Variants in DAB2IP observed in about 807,000 individuals in gnomAD.
The protein encoded by DAB2IP is disabled homolog 2-interacting protein.
A neutral mutation model predicts 107.2 loss-of-function variants in DAB2IP; 28 were observed. The ratio of observed to expected loss-of-function variants is 0.26; its 90% CI spans 0.19 to 0.36. The LOEUF (loss-of-function observed/expected upper bound fraction) is 0.36, where lower values mean the gene tolerates loss of function less well. Among genes scored for constraint, DAB2IP ranks in the 10% least tolerant of loss-of-function variants. The pLI is 1.00. For synonymous variants in DAB2IP, 755 were observed against 706.4 expected (o/e 1.07, Z -1.09); for missense variants, 1,400 against 1,644.7 (o/e 0.85, Z 2.57).
chr9:121,772,476 A>G lies in DAB2IP; in HGVS notation c.2079-131A>G. The G allele has an allele frequency of 4.1e-6, 4 of 972,864 alleles. No homozygotes were observed. In the South Asian group the frequency reaches 6.4e-5, roughly 15 times the overall value. 60.3% of individuals were successfully genotyped at this position (972,864 alleles called of 1,614,324 possible). ...CCACTCCTGCCACCCCAGCGCATCC[A>G]TCTCCCCAGCGCTGGCTCAGGCTGC... is the stretch of plus-strand genomic sequence containing the variant. On this transcript the variant is annotated intron_variant, in intron 11 of 15. Coordinates refer to ENST00000408936, the Ensembl canonical transcript of DAB2IP. The surrounding 1 kb of genome is among the most constrained non-coding windows in gnomAD (Gnocchi z 4.7).
At chr9:121,741,501 C>T (rs1018097027) in intron 3 of DAB2IP, among the ~76,000 whole-genome samples, 1 of 152,124 alleles carries the variant, frequency 6.6e-6, no homozygotes, top group Non-Finnish European at 1.5e-5. Flanking sequence ...CTTGCTTAGT[C>T]TGGGCTTGGG....
At chr9:121,700,241 G>A (rs982387975) in intron 3 of DAB2IP, among the ~76,000 whole-genome samples, 11 of 152,218 alleles carry the variant, frequency 7.2e-5, no homozygotes, top group African/African-American at 2.7e-4. Context: ...GAGGGAGGAG[G>A]AGGTGGTTCA....
exon 8 of DAB2IP, chr9:121,763,847 G>A (rs761118729): frequency 6.2e-7 from 1 of 1,614,036 alleles, no homozygotes; most frequent in Non-Finnish European, 8.5e-7. Flanking sequence ...TGTGCTGCGA[G>A]CTGGCCTTCT....
chr9:121,600,193 A>G (rs544217333), intron 1 of DAB2IP, among the ~76,000 whole-genome samples: 1 of 152,198 alleles, frequency 6.6e-6, no homozygotes, highest in South Asian at 2.1e-4. Context: ...CACCCTGGGA[A>G]TTGGTGATAG....
At chr9:121,716,854 ACT>A (rs1317579151) in intron 3 of DAB2IP, among the ~76,000 whole-genome samples, 8 of 151,852 alleles carry the variant, frequency 5.3e-5, no homozygotes, top group African/African-American at 1.9e-4. Context: ...CCCTGCAGTC[ACT>A]CTTCCCGCTA....
In DAB2IP at chr9:121,698,208, G is replaced by A. The variant is rs1352531816; in HGVS notation, c.229-1117G>A. Among the ~76,000 whole-genome samples, 1 of 152,142 alleles carries A rather than the reference G, an allele frequency of 6.6e-6. No individual in the cohort carries two copies. The highest frequency in any genetic ancestry group is 1.9e-4 in the East Asian group (1 of 5,190). On this transcript the variant is annotated intron_variant, in intron 2 of 15. Coordinates refer to ENST00000408936, the Ensembl canonical transcript of DAB2IP. The surrounding 1 kb of genome is among the most constrained non-coding windows in gnomAD (Gnocchi z 4.1). ...ACTTGCCACCTGGAATTGAGACTGGGGTGGGTGAGCCCCCAGAACACCCCC... is the reference window on the plus strand; with the variant it reads ...ACTTGCCACCTGGAATTGAGACTGGAGTGGGTGAGCCCCCAGAACACCCCC...
intron 3 of DAB2IP, among the ~76,000 whole-genome samples, chr9:121,750,005 A>G (rs1457967363): frequency 6.6e-6 from 1 of 152,158 alleles, no homozygotes; most frequent in Non-Finnish European, 1.5e-5. Flanking sequence ...AGGTGGGCGA[A>G]TGGAACAGAC....
chr9:121,615,913 A>G (rs1400034547), intron 1 of DAB2IP, among the ~76,000 whole-genome samples: 2 of 152,150 alleles, frequency 1.3e-5, no homozygotes, highest in Non-Finnish European at 2.9e-5. Flanking sequence ...GGTGTGAGCC[A>G]CTGTGCCCGG....
chr9:121,639,947 G>T (rs1832220590), intron 1 of DAB2IP, among the ~76,000 whole-genome samples: 1 of 152,144 alleles, frequency 6.6e-6, no homozygotes, highest in Admixed American at 6.5e-5. Context: ...GTGGGCCCAA[G>T]TGTCTGCACT....
intron 3 of DAB2IP, among the ~76,000 whole-genome samples, chr9:121,719,123 C>G (rs1407567394): frequency 1.3e-5 from 2 of 152,196 alleles, no homozygotes; most frequent in Non-Finnish European, 2.9e-5. Context: ...GGCTATGGTC[C>G]CCTTACTCCC....
intron 1 of DAB2IP, among the ~76,000 whole-genome samples, chr9:121,580,824 A>T (rs1027084128): frequency 6.6e-6 from 1 of 152,108 alleles, no homozygotes; most frequent in African/African-American, 2.4e-5. Context: ...ACGGGGTTTC[A>T]CCGTGTTAGC....
Position 121,776,228 on chromosome 9 carries a change from A to C in DAB2IP, c.3151A>C (p.Ile1051Leu). The C allele has an allele frequency of 6.3e-7, 1 of 1,583,214 alleles. No homozygotes were observed. The highest frequency in any genetic ancestry group is 2.3e-5 in the East Asian group (1 of 43,632). The change falls in exon 14 of 16, where the codon ATC becomes CTC. Residue 1051 changes from isoleucine (I) to leucine (L), a missense_variant. Physicochemically the swap from Ile to Leu is conservative, Grantham distance 5 (BLOSUM62 2). This residue lies in a region of DAB2IP where 600 missense variants were observed against 659.1 expected (regional missense o/e 0.91). Coordinates refer to ENST00000408936, the Ensembl canonical transcript of DAB2IP. The surrounding 1 kb of genome is among the most constrained non-coding windows in gnomAD (Gnocchi z 5.4). Reference sequence around the variant, plus strand: ...GGCGGTGCTGCAGGACAAGCTGCGAATCTCCACCAAGAAGCTGGAGGAGTA... The same window carrying C: ...GGCGGTGCTGCAGGACAAGCTGCGACTCTCCACCAAGAAGCTGGAGGAGTA...
chr9:121,777,523 T>C (rs1835289969), intron 14 of DAB2IP, among the ~76,000 whole-genome samples: 3 of 152,248 alleles, frequency 2.0e-5, no homozygotes, highest in African/African-American at 7.2e-5. Flanking sequence ...TTGTGTGTAT[T>C]CTCTGATATT....
chr9:121,691,294 T>G (rs1829147708), intron 2 of DAB2IP, among the ~76,000 whole-genome samples: 1 of 152,116 alleles, frequency 6.6e-6, no homozygotes, highest in African/African-American at 2.4e-5. Context: ...GTGGTAAGTC[T>G]ACAGGGAGAC....
At chr9:121,643,579 T>C (rs909224179) in intron 1 of DAB2IP, among the ~76,000 whole-genome samples, 3 of 152,028 alleles carry the variant, frequency 2.0e-5, no homozygotes, top group African/African-American at 7.2e-5. Context: ...TTTCCACCTC[T>C]GGGGCTTTTC....
rs1588024370 is a variant in DAB2IP, at chr9:121,781,441, ACTGTCT to A, written c.3315-13_3315-8del. ...CTCTGCTGCCTCCAGGGCCAGTCTG[ACTGTCT>A]CTGTCTCTGGCTATAGGTTGATGTC... is the stretch of plus-strand genomic sequence containing the variant. On this transcript the variant is annotated splice_polypyrimidine_tract_variant and intron_variant, in intron 14 of 15. Coordinates refer to ENST00000408936, the Ensembl canonical transcript of DAB2IP. 1.2e-6 allele frequency: 2 copies of A among 1,613,214 alleles called. No homozygotes were observed. Among genetic ancestry groups the A allele is most frequent in the East Asian group, 2.2e-5 (1 of 44,872 alleles).
At chr9:121,617,267 T>C (rs963847322) in intron 1 of DAB2IP, among the ~76,000 whole-genome samples, 4 of 152,116 alleles carry the variant, frequency 2.6e-5, no homozygotes, top group African/African-American at 7.2e-5. Context: ...GAGGTTGCAG[T>C]GAGCCGAGAT....
upstream of DAB2IP, among the ~76,000 whole-genome samples, chr9:121,647,869 A>T (rs116752685): frequency 1.8e-3 from 263 of 149,858 alleles, no homozygotes; most frequent in Middle Eastern, 0.011. Context: ...TATACGTATT[A>T]TATATATATA....
Position 121,781,459 on chromosome 9 carries a change from T to C in DAB2IP, c.3315-5T>C. On this transcript the variant is annotated splice_region_variant and splice_polypyrimidine_tract_variant and intron_variant, in intron 14 of 15. Transcript: ENST00000408936. ...CAGTCTGACTGTCTCTGTCTCTGGCTATAGGTTGATGTCCGTGGAGGAAGA... is the reference window on the plus strand; with the variant it reads ...CAGTCTGACTGTCTCTGTCTCTGGCCATAGGTTGATGTCCGTGGAGGAAGA... 6.2e-7 allele frequency: 1 copy of C among 1,613,902 alleles called. No individual in the cohort carries two copies.
Sources: gnomAD v4.1 joint callset for allele counts (sites outside exome capture counted in the v4.1 genomes callset) on GRCh38, gnomAD v4.1.1 for gene constraint, gnomAD v4.1.1 regional missense constraint, Gnocchi (gnomAD v3.1) non-coding constraint, MANE v1.5 for transcripts, NCBI Gene and HGNC (gene_info 2026-07-23, HGNC 2026-07-21) for gene names.